The following ADAMTS20 variants were observed in gnomAD, a reference collection of about 807,000 sequenced individuals.
The protein encoded by ADAMTS20 is ADAM metallopeptidase with thrombospondin type 1 motif 20.
In ADAMTS20, 225 loss-of-function variants were observed where a neutral mutation model predicts 260.1. The observed-to-expected ratio is 0.87, with a 90% CI of 0.78 to 0.97. ADAMTS20 has a LOEUF of 0.97. ADAMTS20 is among the 50% of genes least tolerant of loss of function. The probability of loss-of-function intolerance (pLI) is 0.00; values close to 1 mark genes in which losing one functional copy is unlikely to be tolerated. For synonymous variants in ADAMTS20, 802 were observed against 769.5 expected (o/e 1.04, Z -0.70); for missense variants, 2,400 against 2,337.7 (o/e 1.03, Z -0.55).
intron 18 of ADAMTS20, 104 bp downstream of exon 18, chr12:43,439,518 A>C: frequency 7.4e-7 from 1 of 1,351,990 alleles, no homozygotes; most frequent in Non-Finnish European, 1.0e-6. Context: ...GGATATGTGT[A>C]TGGACAGTGG....
chr12:43,384,565 T>G (rs776848889), intron 29 of ADAMTS20, among the ~76,000 whole-genome samples: 29 of 152,176 alleles, frequency 1.9e-4, no homozygotes, highest in Non-Finnish European at 3.7e-4. Context: ...CAACCCGTCA[T>G]CTGCATTAGG....
rs776400467 is a variant in ADAMTS20, at chr12:43,443,906, T to C, written c.2198-23A>G. The C allele has an allele frequency of 3.1e-6, 5 of 1,600,570 alleles. No homozygotes were observed. In the Admixed American group the frequency reaches 6.7e-5, roughly 21 times the overall value. On this transcript the variant is annotated intron_variant, in intron 15 of 38. Transcript: ENST00000389420. ...AACCTGCAATATAATTTTACATATG[T>C]TAAATTTCACAAAAAGCAGATGGCC...
chr12:43,408,522 T>C (rs1940962634), intron 28 of ADAMTS20, among the ~76,000 whole-genome samples: 1 of 152,172 alleles, frequency 6.6e-6, no homozygotes, highest in African/African-American at 2.4e-5. Context: ...AGAACTATGC[T>C]TTTAAGTAGG....
At chr12:43,374,525 A>G (rs1429838319) in intron 36 of ADAMTS20, among the ~76,000 whole-genome samples, 3 of 152,204 alleles carry the variant, frequency 2.0e-5, no homozygotes, top group Non-Finnish European at 4.4e-5. Context: ...GATAAGCAGT[A>G]TGATCTATAA....
intron 5 of ADAMTS20, 51 bp from the exon 6 acceptor site, chr12:43,492,680 T>C (rs560965567): frequency 6.3e-7 from 1 of 1,597,002 alleles, no homozygotes; most frequent in Admixed American, 1.7e-5. Context: ...ACGTCCTCTT[T>C]TCCTTCCAAG....
intron 4 of ADAMTS20, among the ~76,000 whole-genome samples, chr12:43,498,266 A>G (rs768464212): frequency 2.0e-5 from 3 of 152,212 alleles, no homozygotes; most frequent in Non-Finnish European, 2.9e-5. Flanking sequence ...CTTTATTTCA[A>G]TATCACTGCA....
chr12:43,432,289 A>G lies in ADAMTS20; in HGVS notation c.3096+15T>C. The G allele has an allele frequency of 6.2e-7, 1 of 1,608,762 alleles. No homozygotes were observed. Among genetic ancestry groups the G allele is most frequent in the Admixed American group, 1.7e-5 (1 of 59,356 alleles). On this transcript the variant is annotated intron_variant, in intron 21 of 38. Coordinates refer to ENST00000389420, the MANE Select transcript of ADAMTS20 (RefSeq NM_025003.5). The stretch of plus-strand genomic sequence containing the variant: ...CAATATTTTAATAGTTCCAAGCATC[A>G]TGTGTTTAATGTACCTCGCTCCATT...
intron 9 of ADAMTS20, among the ~76,000 whole-genome samples, chr12:43,464,942 T>A (rs779048323): frequency 1.3e-5 from 2 of 152,124 alleles, no homozygotes; most frequent in African/African-American, 4.8e-5. Flanking sequence ...TTAATATGCA[T>A]GTTTGCACTT....
chr12:43,430,451 A>C lies in ADAMTS20; in HGVS notation c.3282T>G (p.His1094Gln). ...ATTTAACATCTCGCATCTGATACCC[A>C]TGTCCACATGTGGTTGTGCACTGAA... is the stretch of plus-strand genomic sequence containing the variant. ...PWGPCTTTCG[H>Q]GYQMRDVKCV... Residue 1094 changes from histidine (H) to glutamine (Q), a missense_variant, in exon 23 of 39, where the codon CAT becomes CAG. By Grantham distance (24) the His-to-Gln change is conservative. Coordinates refer to ENST00000389420, the MANE Select transcript of ADAMTS20 (RefSeq NM_025003.5). 1 of 1,612,730 alleles carries C rather than the reference A, an allele frequency of 6.2e-7. No homozygotes were observed. Among genetic ancestry groups the C allele is most frequent in the Non-Finnish European group, 8.5e-7 (1 of 1,179,186 alleles).
chr12:43,408,267 C>G (rs1438664404), intron 28 of ADAMTS20, among the ~76,000 whole-genome samples: 1 of 152,124 alleles, frequency 6.6e-6, no homozygotes, highest in Non-Finnish European at 1.5e-5. Flanking sequence ...GAAGCATGAC[C>G]GTCTGCCTTC....
intron 2 of ADAMTS20, among the ~76,000 whole-genome samples, chr12:43,536,866 C>G (rs1055221305): frequency 6.6e-6 from 1 of 152,168 alleles, no homozygotes; most frequent in Non-Finnish European, 1.5e-5. Flanking sequence ...AAACTTTGCA[C>G]TTTTCCACAT....
intron 3 of ADAMTS20, among the ~76,000 whole-genome samples, chr12:43,514,560 C>CAAAAAAAAAAAAAA (rs58435633): frequency 1.6e-5 from 1 of 63,696 alleles, no homozygotes; most frequent in Non-Finnish European, 2.5e-5. Flanking sequence ...GACTCTATCT[C>CAAAAAAAAAAAAAA]AAAAAAAAAA....
intron 2 of ADAMTS20, among the ~76,000 whole-genome samples, chr12:43,546,714 A>G (rs1158583971): frequency 6.6e-6 from 1 of 152,236 alleles, no homozygotes; most frequent in Non-Finnish European, 1.5e-5. Context: ...TAGCCTATCA[A>G]TGGATTAAAA....
intron 28 of ADAMTS20, among the ~76,000 whole-genome samples, chr12:43,409,520 T>C (rs11830167): frequency 7.5e-6 from 1 of 133,878 alleles, no homozygotes; most frequent in South Asian, 2.3e-4. Flanking sequence ...GAGAATGGCG[T>C]GAACCCGGGA....
chr12:43,520,932 A>T (rs1565580447), intron 3 of ADAMTS20, among the ~76,000 whole-genome samples: 4 of 152,200 alleles, frequency 2.6e-5, no homozygotes, highest in Non-Finnish European at 4.4e-5. Context: ...AAAAGAATCT[A>T]GATTTTCATC....
chr12:43,496,739 G>A (rs889730716), intron 4 of ADAMTS20, among the ~76,000 whole-genome samples: 6 of 152,130 alleles, frequency 3.9e-5, no homozygotes, highest in African/African-American at 1.4e-4. Context: ...GGGAAGAGTT[G>A]TGAAAGACAT....
chr12:43,418,656 G>A (rs1162427343), intron 28 of ADAMTS20, among the ~76,000 whole-genome samples: 3 of 152,146 alleles, frequency 2.0e-5, no homozygotes, highest in Admixed American at 2.0e-4. Context: ...TTTCAGAAAC[G>A]ATATGCCAAT....
intron 3 of ADAMTS20, among the ~76,000 whole-genome samples, chr12:43,519,687 T>C (rs1028222385): frequency 6.6e-6 from 1 of 152,178 alleles, no homozygotes; most frequent in Non-Finnish European, 1.5e-5. Flanking sequence ...ACCTACCCCA[T>C]GGTAAGAAAC....
At chr12:43,381,325 C>T (rs1940345614) in intron 31 of ADAMTS20, among the ~76,000 whole-genome samples, 1 of 152,030 alleles carries the variant, frequency 6.6e-6, no homozygotes, top group Non-Finnish European at 1.5e-5. Context: ...AGATATGATA[C>T]TTAAAGCCAA....
Sources: allele counts gnomAD v4.1 joint callset (sites outside exome capture counted in the v4.1 genomes callset), GRCh38; gene constraint gnomAD v4.1.1; transcripts MANE v1.5; gene names NCBI Gene and HGNC (gene_info 2026-07-23, HGNC 2026-07-21).